The following ABTB2 variants were observed in gnomAD, a reference collection of about 807,000 sequenced individuals.
The protein encoded by ABTB2 is ankyrin repeat and BTB domain containing 2.
A neutral mutation model predicts 104.1 loss-of-function variants in ABTB2; 56 were observed. That is an observed-to-expected ratio of 0.54 (90% CI 0.43 to 0.67). The LOEUF is 0.67. ABTB2 is among the 30% of genes least tolerant of loss of function. The probability of loss-of-function intolerance (pLI) is 0.00; values close to 1 mark genes in which losing one functional copy is unlikely to be tolerated. For missense variants in ABTB2, 1,279 were observed against 1,407.7 expected (o/e 0.91, Z 1.46); for synonymous variants, 606 against 608.2 (o/e 1.00, Z 0.05).
chr11:34,268,961 C>T (rs1372383322), intron 1 of ABTB2, among the ~76,000 whole-genome samples: 1 of 152,204 alleles, frequency 6.6e-6, no homozygotes, highest in Non-Finnish European at 1.5e-5. Context: ...AATAAAGTGA[C>T]ATTCCGAGGT....
At chr11:34,193,093 C>T (rs980090654) in intron 3 of ABTB2, among the ~76,000 whole-genome samples, 1 of 152,196 alleles carries the variant, frequency 6.6e-6, no homozygotes, top group Admixed American at 6.5e-5. Context: ...CAGCAAGGGC[C>T]ACATCTAACC....
At chr11:34,214,532 CTTT>C (rs5790978) in intron 1 of ABTB2, among the ~76,000 whole-genome samples, 11 of 123,140 alleles carry the variant, frequency 8.9e-5, no homozygotes, top group African/African-American at 2.0e-4. Context: ...AAAAATACCA[CTTT>C]TTTTTTTTTT....
At chr11:34,341,699 C>T (rs1277586439) in intron 1 of ABTB2, among the ~76,000 whole-genome samples, 2 of 152,180 alleles carry the variant, frequency 1.3e-5, no homozygotes, top group African/African-American at 4.8e-5. Flanking sequence ...GCTCCTCTCA[C>T]TCACAGCTTG....
rs117989378 is a variant in ABTB2, at chr11:34,182,506, G to C, written c.1245-9199C>G. Among the ~76,000 whole-genome samples the C allele has an allele frequency of 1.1e-4, 15 of 136,884 alleles. No individual in the cohort carries two copies. In the South Asian group the frequency reaches 1.8e-3, roughly 16 times the overall value. The allele number at this position is 136,884 out of a possible 152,430, so 89.8% of individuals were successfully genotyped here. A position where few individuals can be genotyped will look rare whatever the true frequency, so the allele number is the denominator to read the frequency against. ...GGGGCATTGGGTTCTCTGGGGGGGG[G>C]GGGAAATTCACTTTTCCTATTAAAA... On this transcript the variant is annotated intron_variant, in intron 3 of 16. Transcript: ENST00000435224.
At position 34,316,428 on chromosome 11, in the gene ABTB2, CTA is replaced by C. The variant is rs527558275; in HGVS notation, c.883+40271_883+40272del. On this transcript the variant is annotated intron_variant, in intron 1 of 16. Transcript: ENST00000435224. ...AACTTCAGATCCAGCCCAGCTCTGA[CTA>C]TAATCACAGTGGATGGGCTGAGCCT... Among the ~76,000 whole-genome samples, 338 of 152,332 alleles carry C rather than the reference CTA, an allele frequency of 2.2e-3. 1 individual carries two copies. Among genetic ancestry groups the C allele is most frequent in the African/African-American group, 7.3e-3 (304 of 41,586 alleles).
chr11:34,260,400 C>T (rs1236601652), intron 1 of ABTB2, among the ~76,000 whole-genome samples: 1 of 152,206 alleles, frequency 6.6e-6, no homozygotes. Context: ...GTACTGCCTC[C>T]TGAATAATAA....
chr11:34,297,310 A>C (rs901317124), intron 1 of ABTB2, among the ~76,000 whole-genome samples: 1 of 152,204 alleles, frequency 6.6e-6, no homozygotes, highest in Admixed American at 6.5e-5. Context: ...ATATTTTTTA[A>C]GAGGTTAACT....
At chr11:34,275,216 CG>C (rs1854370069) in intron 1 of ABTB2, among the ~76,000 whole-genome samples, 1 of 152,214 alleles carries the variant, frequency 6.6e-6, no homozygotes, top group Non-Finnish European at 1.5e-5. Flanking sequence ...GCATTCCTTA[CG>C]CAAGCCCTGA....
At chr11:34,329,119 T>C (rs1397333623) in intron 1 of ABTB2, among the ~76,000 whole-genome samples, 1 of 152,216 alleles carries the variant, frequency 6.6e-6, no homozygotes, top group Non-Finnish European at 1.5e-5. Context: ...AATCTGAATA[T>C]TTAAGACACC....
At chr11:34,261,884 C>A (rs1052705303) in intron 1 of ABTB2, among the ~76,000 whole-genome samples, 11 of 152,298 alleles carry the variant, frequency 7.2e-5, no homozygotes, top group African/African-American at 2.4e-4. Flanking sequence ...CAAATTAAAT[C>A]AGACTTGTTG....
chr11:34,224,645 C>A (rs1241004702), intron 1 of ABTB2, among the ~76,000 whole-genome samples: 4 of 152,192 alleles, frequency 2.6e-5, no homozygotes, highest in African/African-American at 7.2e-5. Flanking sequence ...CACCTTTGAG[C>A]CTCAGTTTGC....
chr11:34,258,643 C>T (rs906220545), intron 1 of ABTB2, among the ~76,000 whole-genome samples: 17 of 116,516 alleles, frequency 1.5e-4, no homozygotes, highest in African/African-American at 5.3e-4. Context: ...CGGAGTCTTG[C>T]TCTTGTTGCC....
intron 2 of ABTB2, among the ~76,000 whole-genome samples, chr11:34,201,869 C>G (rs1440621417): frequency 6.6e-6 from 1 of 152,248 alleles, no homozygotes; most frequent in East Asian, 1.9e-4. Context: ...AGGATGTGGA[C>G]AAATCCTAGG....
At position 34,325,719 on chromosome 11, in the gene ABTB2, G is replaced by A. The variant is rs1406950520; in HGVS notation, c.883+30982C>T. Among the ~76,000 whole-genome samples, 4 of 152,224 alleles carry A rather than the reference G, an allele frequency of 2.6e-5. No individual in the cohort carries two copies. In the East Asian group the frequency reaches 5.8e-4, roughly 22 times the overall value. ...CAATCCCAGCACTTTGGGAGATTGA[G>A]GCAGGCAGATCACTTGAGGCCAGGA... On this transcript the variant is annotated intron_variant, in intron 1 of 16. Coordinates refer to ENST00000435224, the MANE Select transcript of ABTB2 (RefSeq NM_145804.3).
At chr11:34,175,042 A>G (rs1033080678) in intron 3 of ABTB2, among the ~76,000 whole-genome samples, 1 of 152,216 alleles carries the variant, frequency 6.6e-6, no homozygotes, top group Non-Finnish European at 1.5e-5. Flanking sequence ...TCCCCTTGAC[A>G]TGCAGCTAAG....
rs959436952 is a variant in ABTB2, at chr11:34,345,655, C to T, written c.883+11046G>A. On this transcript the variant is annotated intron_variant, in intron 1 of 16. Transcript: ENST00000435224. ...TTGCGATGCCTTCTCAGAGGCAGCCCTACCCCTGAGGCCTTCTCACCTGCT... is the reference window on the plus strand; with the variant it reads ...TTGCGATGCCTTCTCAGAGGCAGCCTTACCCCTGAGGCCTTCTCACCTGCT... Among the ~76,000 whole-genome samples the T allele has an allele frequency of 3.3e-5, 5 of 152,158 alleles. No individual in the cohort carries two copies. In the South Asian group the frequency reaches 1.0e-3, roughly 32 times the overall value.
At chr11:34,165,449 C>T in intron 7 of ABTB2, 93 bp from the exon 8 acceptor site, 1 of 1,031,436 alleles carries the variant, frequency 9.7e-7, no homozygotes. Context: ...GCCTTTGCTT[C>T]TCTCCAGGCA....
At chr11:34,219,691 T>C (rs1853593217) in intron 1 of ABTB2, among the ~76,000 whole-genome samples, 1 of 152,240 alleles carries the variant, frequency 6.6e-6, no homozygotes, top group Non-Finnish European at 1.5e-5. Context: ...TTCAGTACAG[T>C]AACTTGCTGT....
intron 1 of ABTB2, among the ~76,000 whole-genome samples, chr11:34,307,701 GTT>G (rs5790983): frequency 1.8e-4 from 26 of 140,550 alleles, no homozygotes; most frequent in South Asian, 1.4e-3. Context: ...GTGACTCTCT[GTT>G]TTTTTTTTTT....
Sources: gnomAD v4.1 joint callset for allele counts (sites outside exome capture counted in the v4.1 genomes callset) on GRCh38, gnomAD v4.1.1 for gene constraint, MANE v1.5 for transcripts, NCBI Gene and HGNC (gene_info 2026-07-23, HGNC 2026-07-21) for gene names.